Variants in ERCC2 observed in about 807,000 individuals in gnomAD.
ERCC2 encodes ERCC excision repair 2, TFIIH core complex helicase subunit.
ERCC2 carries 90 observed loss-of-function variants against 99.4 expected under a neutral mutation model. That is an observed-to-expected ratio of 0.91 (90% CI 0.76 to 1.08). The LOEUF is 1.08. Ranked by LOEUF, ERCC2 falls within the 50% of genes least tolerant of loss-of-function variation. ERCC2 has a pLI of 0.00. For synonymous variants in ERCC2, 497 were observed against 432.4 expected (o/e 1.15, Z -1.85); for missense variants, 993 against 1,038.1 (o/e 0.96, Z 0.60).
chr19:45,363,318 C>T (rs1972291342), intron 11 of ERCC2, among the ~76,000 whole-genome samples: 1 of 152,144 alleles, frequency 6.6e-6, no homozygotes, highest in South Asian at 2.1e-4. Flanking sequence ...GCCTGCGAGG[C>T]CCTGGTACTG....
In ERCC2 at chr19:45,350,798, GCCCAC is replaced by G. The variant is rs776996317; in HGVS notation, c.*826_*830del. 53 of 1,434,908 alleles carry G rather than the reference GCCCAC, an allele frequency of 3.7e-5. No individual in the cohort carries two copies. In the African/African-American group the frequency reaches 6.1e-4, roughly 17 times the overall value. 88.9% of individuals were successfully genotyped at this position (1,434,908 alleles called of 1,614,324 possible). A position where few individuals can be genotyped will look rare whatever the true frequency, so the allele number is the denominator to read the frequency against. On this transcript the variant is annotated 3_prime_UTR_variant, in exon 23 of 23. Transcript: ENST00000391945. Reference sequence around the variant, plus strand: ...AGCCCTGACATCAGCAGAATCCACAGCCCACCCCACCCCCACCCCCATCTTGCTCA... The same window carrying G: ...AGCCCTGACATCAGCAGAATCCACAGCCCACCCCCACCCCCATCTTGCTCA...
intron 12 of ERCC2, chr19:45,358,771 A>C: frequency 1.3e-6 from 1 of 768,796 alleles, no homozygotes; most frequent in Non-Finnish European, 2.4e-6. Flanking sequence ...TTTTTTCATG[A>C]TAACTGTCAC....
At position 45,357,518 on chromosome 19, in the gene ERCC2, T is replaced by C. The variant is rs746262265; in HGVS notation, c.1333A>G (p.Lys445Glu). The change falls in exon 14 of 23, where the codon AAA becomes GAA. Residue 445 changes from lysine to glutamate, a missense_variant. Coordinates refer to ENST00000391945, the MANE Select transcript of ERCC2 (RefSeq NM_000400.4). ...FSCMDASLAI[K>E]PVFERFQSVI... Reference sequence around the variant, plus strand: ...GACTGGAAACGCTCAAATACGGGTTTGATGGCCAGCGAGGCGTCCATGCAG... The same window carrying C: ...GACTGGAAACGCTCAAATACGGGTTCGATGGCCAGCGAGGCGTCCATGCAG... 2.5e-6 allele frequency: 4 copies of C among 1,614,034 alleles called. No homozygotes were observed. In the African/African-American group the frequency reaches 5.3e-5, roughly 22 times the overall value.
intron 5 of ERCC2, among the ~76,000 whole-genome samples, chr19:45,367,793 G>A (rs139498033): frequency 8.6e-5 from 13 of 151,904 alleles, no homozygotes; most frequent in Admixed American, 3.9e-4. Flanking sequence ...GATTATAGTC[G>A]TGAGTCACCA....
At chr19:45,354,560 C>T (rs966133452) in intron 17 of ERCC2, among the ~76,000 whole-genome samples, 170 bp downstream of exon 17, 4 of 152,120 alleles carry the variant, frequency 2.6e-5, no homozygotes, top group East Asian at 3.9e-4. Flanking sequence ...GTACTGGGGG[C>T]GGGGCATGGG....
rs117684977 is a variant in ERCC2 at position 45,353,944 on chromosome 19, A to G, written c.1666-610T>C. Among the ~76,000 whole-genome samples, 3 of 152,350 alleles carry G rather than the reference A, an allele frequency of 2.0e-5. No homozygotes were observed. In the East Asian group the frequency reaches 5.8e-4, roughly 29 times the overall value. On this transcript the variant is annotated intron_variant, in intron 17 of 22. Transcript: ENST00000391945. ...TCTCTCTATGACCTTGGGGTAGGCAAAGGTGTCTTAAGTAGGACACAAAAG... is the reference window on the plus strand; with the variant it reads ...TCTCTCTATGACCTTGGGGTAGGCAGAGGTGTCTTAAGTAGGACACAAAAG...
At position 45,354,836 on chromosome 19, in the gene ERCC2, T is replaced by A; in HGVS notation, c.1559A>T (p.Tyr520Phe). Residue 520 changes from tyrosine (Y) to phenylalanine (F), a missense_variant, in exon 17 of 23, where the codon TAT becomes TTT. Transcript: ENST00000391945. ...TREDIAVIRN[Y>F]GNLLLEMSAV... ...GGACATCTCCAGCAGGAGGTTCCCA[T>A]AGTTCCGGATCACAGCTGCAAGGGG... 1 of 1,614,076 alleles carries A rather than the reference T, an allele frequency of 6.2e-7. No homozygotes were observed. Among genetic ancestry groups the A allele is most frequent in the South Asian group, 1.1e-5 (1 of 91,086 alleles).
At chr19:45,361,003 C>T (rs1599738654) in intron 12 of ERCC2, among the ~76,000 whole-genome samples, 1 of 152,022 alleles carries the variant, frequency 6.6e-6, no homozygotes, top group Non-Finnish European at 1.5e-5. Context: ...TAGTGGCATG[C>T]GCCTGTAGTC....
At chr19:45,368,400 G>A (rs1397357827) in intron 5 of ERCC2, among the ~76,000 whole-genome samples, 1 of 152,162 alleles carries the variant, frequency 6.6e-6, no homozygotes, top group African/African-American at 2.4e-5. Flanking sequence ...GACTCTAAGA[G>A]CTGCCTTTTT....
At chr19:45,362,570 C>A in intron 11 of ERCC2, among the ~76,000 whole-genome samples, 1 of 152,242 alleles carries the variant, frequency 6.6e-6, no homozygotes, top group East Asian at 1.9e-4. Flanking sequence ...GCCTCCCGCA[C>A]GTCAGCCCTC....
chr19:45,357,092 G>A (rs1442469410), intron 15 of ERCC2, among the ~76,000 whole-genome samples, 178 bp downstream of exon 15: 1 of 152,200 alleles, frequency 6.6e-6, no homozygotes, highest in African/African-American at 2.4e-5. Flanking sequence ...TGAGAAAACT[G>A]AGGCTTGAGA....
Position 45,352,234 on chromosome 19 carries a change from C to T in ERCC2, c.2165G>A (p.Arg722Gln), listed in dbSNP as rs138569838. The change falls in exon 22 of 23, where the codon CGG (arginine) becomes CAG (glutamine). Residue 722 changes from arginine (R) to glutamine (Q), a missense_variant. This residue lies in a region of ERCC2 where 909 missense variants were observed against 930.8 expected (regional missense o/e 0.98). Transcript: ENST00000391945. ...CCGGTGGAAGGGCTGTGCCATCTGC[C>T]GCAGGAAGTACTTGGCCACCTGGAC... ...EGVQVAKYFLRQMAQPFHRED... is the reference protein window; with the variant it reads ...EGVQVAKYFLQQMAQPFHRED... The T allele has an allele frequency of 3.8e-5, 62 of 1,613,884 alleles. No homozygotes were observed. Among genetic ancestry groups the T allele is most frequent in the East Asian group, 2.7e-4 (12 of 44,890 alleles).
chr19:45,350,817 C>T lies in ERCC2; in HGVS notation c.*812G>A. ...TCCACAGCCCACCCCACCCCCACCCCCATCTTGCTCAAGAACCTTCCATGG... is the reference window on the plus strand; with the variant it reads ...TCCACAGCCCACCCCACCCCCACCCTCATCTTGCTCAAGAACCTTCCATGG... On this transcript the variant is annotated 3_prime_UTR_variant, in exon 23 of 23. Transcript: ENST00000391945. The T allele has an allele frequency of 2.2e-6, 3 of 1,359,250 alleles. No homozygotes were observed. Among genetic ancestry groups the T allele is most frequent in the African/African-American group, 1.4e-5 (1 of 69,840 alleles). 84.2% of individuals were successfully genotyped at this position (1,359,250 alleles called of 1,614,324 possible). A position where few individuals can be genotyped will look rare whatever the true frequency, so the allele number is the denominator to read the frequency against.
chr19:45,352,617 CTG>C lies in ERCC2; in HGVS notation c.1933_1934del (p.Gln645AspfsTer3). The C allele has an allele frequency of 3.7e-6, 6 of 1,613,982 alleles. No homozygotes were observed. The highest frequency in any genetic ancestry group is 5.1e-6 in the Non-Finnish European group (6 of 1,180,036). On this transcript the variant is annotated frameshift_variant, in exon 21 of 23. Transcript: ENST00000391945. LOFTEE classifies it high-confidence loss of function. Reference sequence around the variant, plus strand: ...AGGTAAGAAAGTCATTCTCACGAATCTGGAACTGGTCCCGCAGGTATTCCAGC... The same window carrying C: ...AGGTAAGAAAGTCATTCTCACGAATCGAACTGGTCCCGCAGGTATTCCAGC... ...ARLEYLRDQFQIRENDFLTFD... is the reference protein window; with the variant it reads ...ARLEYLRDQFXIRENDFLTFD...
chr19:45,357,863 T>C (rs1269689031), intron 12 of ERCC2, 164 bp from the exon 13 acceptor site: 3 of 692,834 alleles, frequency 4.3e-6, no homozygotes, highest in South Asian at 1.6e-5. Flanking sequence ...AAACCAGGCA[T>C]CTGAGTCCAA....
At position 45,353,294 on chromosome 19, in the gene ERCC2, A is replaced by G. The variant is rs1163690129; in HGVS notation, c.1706T>C (p.Ile569Thr). Residue 569 changes from isoleucine (I) to threonine (T), a missense_variant, in exon 18 of 23, where the codon ATT becomes ACT. Transcript: ENST00000391945. ...GGTTTCGGCACCATCCTGGGTCTCA[A>G]TAAAGAGCAGCTTGTTCCTCTGGAT... The part of the protein sequence containing the change: ...ENIQRNKLLF[I>T]ETQDGAETSV... The G allele has an allele frequency of 1.2e-6, 2 of 1,614,010 alleles. No homozygotes were observed. The highest frequency in any genetic ancestry group is 1.7e-6 in the Non-Finnish European group (2 of 1,179,978).
chr19:45,353,115 G>A lies in ERCC2; in HGVS notation c.1799C>T (p.Ala600Val). 2 of 1,613,454 alleles carry A rather than the reference G, an allele frequency of 1.2e-6. No individual in the cohort carries two copies. Among genetic ancestry groups the A allele is most frequent in the Non-Finnish European group, 1.7e-6 (2 of 1,179,856 alleles). ...NGRGAILLSV[A>V]RGKVSEGIDF... ...GATTCCCTCGGACACTTTGCCCCGG[G>A]CCACTGACAGCAGGATGGCCCCGCG... The change falls in exon 19 of 23, where the codon GCC becomes GTC. Residue 600 changes from alanine (A) to valine (V), a missense_variant. By Grantham distance (64) the Ala-to-Val change is moderately conservative (BLOSUM62 0). This residue lies in a region of ERCC2 where 909 missense variants were observed against 930.8 expected (regional missense o/e 0.98). Transcript: ENST00000391945.
rs1306775698 is a variant in ERCC2 at position 45,350,450 on chromosome 19, T to C, written c.*1179A>G. 1.2e-6 allele frequency: 2 copies of C among 1,609,036 alleles called. No homozygotes were observed. The highest frequency in any genetic ancestry group is 2.7e-5 in the African/African-American group (2 of 74,330). On this transcript the variant is annotated 3_prime_UTR_variant, in exon 23 of 23. Transcript: ENST00000391945. ...CCTCTCGGTGAGCCCCTAGCCCCTG[T>C]CTGTCTTCCCTCCTGGTGGCTTCTC...
chr19:45,358,702 C>T (rs369622772), intron 12 of ERCC2: 18 of 678,050 alleles, frequency 2.7e-5, no homozygotes, highest in East Asian at 5.5e-5. Context: ...TCAGCCCCTC[C>T]GAGAGGCCCT....
Sources: gnomAD v4.1 joint callset for allele counts (sites outside exome capture counted in the v4.1 genomes callset) on GRCh38, gnomAD v4.1.1 for gene constraint, gnomAD v4.1.1 regional missense constraint, MANE v1.5 for transcripts, NCBI Gene and HGNC (gene_info 2026-07-23, HGNC 2026-07-21) for gene names.